Variants in LRRC8D observed in about 807,000 individuals in gnomAD.
LRRC8D encodes the protein volume-regulated anion channel subunit LRRC8D.
In LRRC8D, 20 loss-of-function variants were observed where a neutral mutation model predicts 55.8. The ratio of observed to expected loss-of-function variants is 0.36; its 90% confidence interval spans 0.25 to 0.52. The LOEUF (loss-of-function observed/expected upper bound fraction) is 0.52, where lower values mean the gene tolerates loss of function less well. Among genes scored for constraint, LRRC8D ranks in the 20% least tolerant of loss-of-function variants. The pLI, the probability that LRRC8D is intolerant of heterozygous loss-of-function variation, is 0.93. For missense variants in LRRC8D, 651 were observed against 1,030.8 expected, an observed-to-expected ratio of 0.63 and a Z score of 5.05; for synonymous variants, 352 against 377.0, an observed-to-expected ratio of 0.93 and a Z score of 0.77.
At chr1:89,914,130 G>C (rs1285585613) in intron 2 of LRRC8D, among the ~76,000 whole-genome samples, 1 of 152,328 alleles carries the variant, frequency 6.6e-6, no homozygotes, top group East Asian at 1.9e-4. Flanking sequence ...AAATTATCTT[G>C]CTATGTTATC....
Position 89,936,407 on chromosome 1 carries a change from T to C in LRRC8D, c.*762T>C, listed in dbSNP as rs1052800671. 2 of 164,270 alleles carry C rather than the reference T, an allele frequency of 1.2e-5. No homozygotes were observed. The highest frequency in any genetic ancestry group is 2.4e-5 in the African/African-American group (1 of 41,464). The allele number at this position is 164,270 out of a possible 1,614,324, so 10.2% of individuals were successfully genotyped here. ...TTGCCAATAAATAGAAAATGTTTTC[T>C]AAAAATAAATTTTATTACAACAAAA... is the stretch of plus-strand genomic sequence containing the variant. On this transcript the variant is annotated 3_prime_UTR_variant, in exon 3 of 3. Coordinates refer to ENST00000337338, the MANE Select transcript of LRRC8D (RefSeq NM_001134479.2).
rs184775570 is a variant in LRRC8D at position 89,895,980 on chromosome 1, C to T, written c.-2-37087C>T. 2.0e-3 allele frequency among the ~76,000 whole-genome samples: 306 copies of T among 152,292 alleles called. 2 individuals are homozygous for T. The highest frequency in any genetic ancestry group is 5.6e-3 in the South Asian group (27 of 4,828). Reference sequence around the variant, plus strand: ...TTACATAATATATGTCTCCTCCTGACAGGCAAGCGTTAGAACCTTTATTAG... The same window carrying T: ...TTACATAATATATGTCTCCTCCTGATAGGCAAGCGTTAGAACCTTTATTAG... On this transcript the variant is annotated intron_variant, in intron 2 of 2. Transcript: ENST00000337338.
chr1:89,916,700 G>GTTGATTT (rs1663277457), intron 2 of LRRC8D, among the ~76,000 whole-genome samples: 1 of 151,210 alleles, frequency 6.6e-6, no homozygotes, highest in Non-Finnish European at 1.5e-5. Context: ...TCTTTTCTTC[G>GTTGATTT]TTGATTTTTT....
chr1:89,834,416 G>A (rs1174545260), intron 1 of LRRC8D, among the ~76,000 whole-genome samples: 1 of 152,198 alleles, frequency 6.6e-6, no homozygotes, highest in Non-Finnish European at 1.5e-5. Context: ...ATGAAGGTTG[G>A]TGTCATTGGT....
chr1:89,874,261 C>T (rs563751714), intron 2 of LRRC8D, among the ~76,000 whole-genome samples: 22 of 152,210 alleles, frequency 1.4e-4, no homozygotes, highest in African/African-American at 5.1e-4. Context: ...CCCCTAAATT[C>T]GGAGGCAGAG....
intron 2 of LRRC8D, among the ~76,000 whole-genome samples, chr1:89,875,354 CATTT>C (rs1337154670): frequency 1.3e-5 from 2 of 152,104 alleles, no homozygotes; most frequent in Non-Finnish European, 2.9e-5. Flanking sequence ...TTCACTCATT[CATTT>C]ATTTTATAGT....
chr1:89,869,740 A>G (rs1307095048), intron 2 of LRRC8D, among the ~76,000 whole-genome samples: 3 of 152,240 alleles, frequency 2.0e-5, no homozygotes, highest in Non-Finnish European at 2.9e-5. Flanking sequence ...AGGGAAGCCC[A>G]TCAGACTCAG....
At chr1:89,895,925 A>G (rs553240522) in intron 2 of LRRC8D, among the ~76,000 whole-genome samples, 5 of 152,352 alleles carry the variant, frequency 3.3e-5, no homozygotes, top group African/African-American at 1.2e-4. Flanking sequence ...AGAAAAGGAA[A>G]GGTATGACAG....
rs1237627994 is a variant in LRRC8D at position 89,911,312 on chromosome 1, A to G, written c.-2-21755A>G. Among the ~76,000 whole-genome samples, 3 of 152,090 alleles carry G rather than the reference A, an allele frequency of 2.0e-5. No individual in the cohort carries two copies. Among genetic ancestry groups the G allele is most frequent in the Admixed American group, 1.3e-4 (2 of 15,274 alleles). ...ATGGTGGTTAGCAAGATTAATGTTT[A>G]CCAGTTTGCTGAAGGGAAAATCAAA... On this transcript the variant is annotated intron_variant, in intron 2 of 2. Coordinates refer to ENST00000337338, the MANE Select transcript of LRRC8D (RefSeq NM_001134479.2). The surrounding 1 kb of genome is among the most constrained non-coding windows in gnomAD (Gnocchi z 4.0).
At chr1:89,834,863 TGGGATGGAGTGA>T (rs539605654) in intron 1 of LRRC8D, among the ~76,000 whole-genome samples, 62 of 152,246 alleles carry the variant, frequency 4.1e-4, no homozygotes, top group African/African-American at 1.4e-3. Flanking sequence ...GAAATGCTGC[TGGGATGGAGTGA>T]GGGATGGAGG....
At chr1:89,864,471 C>T (rs917993240) in intron 2 of LRRC8D, among the ~76,000 whole-genome samples, 1 of 152,142 alleles carries the variant, frequency 6.6e-6, no homozygotes, top group Non-Finnish European at 1.5e-5. Context: ...ATTTAACTCC[C>T]AGATGCAATG....
intron 2 of LRRC8D, among the ~76,000 whole-genome samples, chr1:89,880,872 T>C (rs980988448): frequency 7.2e-5 from 11 of 152,164 alleles, no homozygotes; most frequent in African/African-American, 2.7e-4. Flanking sequence ...CATAATACAG[T>C]GTACATATTA....
intron 1 of LRRC8D, among the ~76,000 whole-genome samples, chr1:89,835,780 T>G (rs1363693938): frequency 6.6e-6 from 1 of 152,258 alleles, no homozygotes; most frequent in Non-Finnish European, 1.5e-5. Flanking sequence ...TCCTGGCACA[T>G]AGTTAACACT....
In LRRC8D at chr1:89,933,806, C is replaced by A. The variant is rs756949333; in HGVS notation, c.738C>A (p.Ser246Arg). The change falls in exon 3 of 3, where the codon AGC becomes AGA. Residue 246 changes from serine to arginine, a missense_variant. Coordinates refer to ENST00000337338, the MANE Select transcript of LRRC8D (RefSeq NM_001134479.2). This position sits in a 1 kb window ranked among gnomAD's most constrained non-coding sequence, Gnocchi z 7.0. ...TTTCTACCAGCAGTGATGAAGGGAG[C>A]CCCAGTGCCAGTACACCAATGATCA... ...KHVSTSSDEG[S>R]PSASTPMINK... 1 of 1,614,138 alleles carries A rather than the reference C, an allele frequency of 6.2e-7. No individual in the cohort carries two copies. Among genetic ancestry groups the A allele is most frequent in the Non-Finnish European group, 8.5e-7 (1 of 1,180,014 alleles).
chr1:89,852,648 G>A (rs1175952029), intron 2 of LRRC8D, among the ~76,000 whole-genome samples: 2 of 152,184 alleles, frequency 1.3e-5, no homozygotes, highest in African/African-American at 2.4e-5. Context: ...ATAGAGAGTA[G>A]GGCACATAGA....
chr1:89,822,766 TC>T (rs1198488250), intron 1 of LRRC8D, among the ~76,000 whole-genome samples: 3 of 152,130 alleles, frequency 2.0e-5, no homozygotes, highest in Non-Finnish European at 2.9e-5. Flanking sequence ...CTGCACCATA[TC>T]CTGTAAATGG....
At chr1:89,834,656 C>G (rs1342333943) in intron 1 of LRRC8D, among the ~76,000 whole-genome samples, 2 of 152,150 alleles carry the variant, frequency 1.3e-5, no homozygotes. Flanking sequence ...CTTGTGAGAG[C>G]TACATTTTTT....
chr1:89,921,941 G>T (rs1175644668), intron 2 of LRRC8D, among the ~76,000 whole-genome samples: 1 of 152,096 alleles, frequency 6.6e-6, no homozygotes. Context: ...ATGTTTTCTA[G>T]CAGTCACCAA....
chr1:89,838,955 A>T (rs1661068173), intron 1 of LRRC8D, among the ~76,000 whole-genome samples: 2 of 152,196 alleles, frequency 1.3e-5, no homozygotes, highest in South Asian at 4.1e-4. Flanking sequence ...TGGCGAGGTG[A>T]TGAGGGTGTA....
Sources: gnomAD v4.1 joint callset for allele counts (sites outside exome capture counted in the v4.1 genomes callset) on GRCh38, gnomAD v4.1.1 for gene constraint, Gnocchi (gnomAD v3.1) non-coding constraint, MANE v1.5 for transcripts, NCBI Gene and HGNC (gene_info 2026-07-23, HGNC 2026-07-21) for gene names.